The following PPEF1 variants were observed in gnomAD, a reference collection of about 807,000 sequenced individuals.
PPEF1 encodes the protein serine/threonine-protein phosphatase with EF-hands 1.
In PPEF1, 12 loss-of-function variants were observed where a neutral mutation model predicts 53.3. The observed-to-expected ratio is 0.23, with a 90% CI of 0.14 to 0.36. The LOEUF (loss-of-function observed/expected upper bound fraction) is 0.36, where lower values mean the gene tolerates loss of function less well. Ranked by LOEUF, PPEF1 falls within the 10% of genes least tolerant of loss-of-function variation. The probability of loss-of-function intolerance (pLI) is 1.00; values close to 1 mark genes in which losing one functional copy is unlikely to be tolerated. For missense variants in PPEF1, 334 were observed against 490.4 expected (o/e 0.68, Z 3.01); for synonymous variants, 165 against 176.7 (o/e 0.93, Z 0.52).
At chrX:18,713,438 T>TC (rs2044372736) in intron 1 of PPEF1, among the ~76,000 whole-genome samples, 1 of 104,820 alleles carries the variant, frequency 9.5e-6, no homozygotes, top group African/African-American at 3.5e-5. Context: ...TTTTTTTTTT[T>TC]CTTTACTGCT....
intron 2 of PPEF1, among the ~76,000 whole-genome samples, chrX:18,685,452 G>A (rs1358367742): frequency 4.5e-5 from 5 of 111,331 alleles, no homozygotes; most frequent in African/African-American, 1.6e-4. Context: ...TTGGGAGGCC[G>A]AGGAGGGTGG....
intron 4 of PPEF1, among the ~76,000 whole-genome samples, chrX:18,752,475 G>C (rs2045464316): frequency 9.0e-6 from 1 of 110,606 alleles, no homozygotes; most frequent in African/African-American, 3.3e-5. Flanking sequence ...TCTGATTTGG[G>C]TGCCTTTTGT....
chrX:18,811,606 TA>T (rs1478607529), intron 12 of PPEF1, among the ~76,000 whole-genome samples: 17 of 17,127 alleles, frequency 9.9e-4, no homozygotes, highest in African/African-American at 3.9e-3. Flanking sequence ...TATATATATA[TA>T]TATATATATT....
chrX:18,788,304 CAAAAAAAAAA>C (rs1214682551), intron 9 of PPEF1, among the ~76,000 whole-genome samples: 4 of 30,301 alleles, frequency 1.3e-4, no homozygotes, highest in African/African-American at 4.4e-4. Flanking sequence ...GACTCTGTCT[CAAAAAAAAAA>C]AAAAAAAAAA....
rs747386942 is a variant in PPEF1 at position 18,751,622 on chromosome X, A to G, written c.396+1670A>G. Among the ~76,000 whole-genome samples, 7 of 111,620 alleles carry G rather than the reference A, an allele frequency of 6.3e-5. No homozygotes were observed. In the South Asian group the frequency reaches 2.3e-3, roughly 36 times the overall value. On this transcript the variant is annotated intron_variant, in intron 4 of 15. Coordinates refer to ENST00000470157, the MANE Select transcript of PPEF1 (RefSeq NM_001377996.1). ...TGATGAAACCCTGTCTCTACTAAAAATACAAAAATTAGCCAGGCATGGTGG... is the reference window on the plus strand; with the variant it reads ...TGATGAAACCCTGTCTCTACTAAAAGTACAAAAATTAGCCAGGCATGGTGG...
chrX:18,806,508 G>A lies in PPEF1; in HGVS notation c.1357G>A (p.Val453Ile). Residue 453 changes from valine to isoleucine, a missense_variant, in exon 12 of 16, where the codon GTA (valine) becomes ATA (isoleucine). By Grantham distance (29) the Val-to-Ile change is conservative. Transcript: ENST00000470157. ...AACTCCTCGATTTTTCCAGTACCAA[G>A]TAACTAAAGCAACGTGCTTTCAGCC... ...GTTPRFFQYQ[V>I]TKATCFQPLR... The A allele has an allele frequency of 8.3e-7, 1 of 1,210,007 alleles. No homozygotes were observed. The highest frequency in any genetic ancestry group is 1.8e-5 in the South Asian group (1 of 56,724).
At chrX:18,734,474 C>T (rs1192168923) in intron 3 of PPEF1, among the ~76,000 whole-genome samples, 1 of 110,994 alleles carries the variant, frequency 9.0e-6, no homozygotes, top group African/African-American at 3.3e-5. Flanking sequence ...TTTTTAATGA[C>T]TGCATAGTAT....
chrX:18,792,715 G>A (rs2046345280), intron 10 of PPEF1, among the ~76,000 whole-genome samples: 1 of 111,512 alleles, frequency 9.0e-6, no homozygotes, highest in African/African-American at 3.3e-5. Flanking sequence ...GGTTCTTGGC[G>A]TCTTGAACAA....
chrX:18,697,364 T>C (rs758510523), intron 4 of PPEF1, among the ~76,000 whole-genome samples: 5 of 111,276 alleles, frequency 4.5e-5, no homozygotes, highest in Non-Finnish European at 9.4e-5. Flanking sequence ...AATTGCAGCA[T>C]TATCATTAGG....
chrX:18,761,998 A>G (rs1361716116), intron 6 of PPEF1, among the ~76,000 whole-genome samples: 3 of 111,708 alleles, frequency 2.7e-5, no homozygotes, highest in Non-Finnish European at 3.8e-5. Context: ...ATGATAAGGA[A>G]TAAGTTCCAG....
At chrX:18,812,106 A>G (rs1310711869) in intron 12 of PPEF1, among the ~76,000 whole-genome samples, 3 of 110,854 alleles carry the variant, frequency 2.7e-5, no homozygotes, top group Non-Finnish European at 5.7e-5. Flanking sequence ...CTCTTCTAAG[A>G]GTTTTATAGG....
At chrX:18,746,659 A>G (rs1416607099) in intron 3 of PPEF1, among the ~76,000 whole-genome samples, 1 of 112,249 alleles carries the variant, frequency 8.9e-6, no homozygotes, top group Non-Finnish European at 1.9e-5. Context: ...GGGTGGAGGC[A>G]GTGATTGGGA....
intron 1 of PPEF1, among the ~76,000 whole-genome samples, chrX:18,727,277 C>G (rs2044731323): frequency 1.8e-5 from 2 of 110,857 alleles, no homozygotes; most frequent in South Asian, 7.7e-4. Flanking sequence ...GGAAAGGTAC[C>G]ATTGTGCTTG....
intron 6 of PPEF1, among the ~76,000 whole-genome samples, chrX:18,762,980 G>C (rs189314528): frequency 9.0e-6 from 1 of 111,653 alleles, no homozygotes; most frequent in African/African-American, 3.3e-5. Context: ...TCTGTAAGTG[G>C]CTCCAGGGAG....
intron 6 of PPEF1, among the ~76,000 whole-genome samples, chrX:18,762,900 G>A (rs756785941): frequency 2.7e-5 from 3 of 111,595 alleles, no homozygotes; most frequent in African/African-American, 9.8e-5. Flanking sequence ...CCAAACTGAG[G>A]GTTGGGCTGC....
At chrX:18,794,305 G>C (rs2046384243) in intron 10 of PPEF1, among the ~76,000 whole-genome samples, 1 of 8,537 alleles carries the variant, frequency 1.2e-4, no homozygotes, top group South Asian at 0.014. Flanking sequence ...CCTCGTAAAT[G>C]CTTATTCCCA....
intron 3 of PPEF1, among the ~76,000 whole-genome samples, chrX:18,687,354 C>T (rs1041674421): frequency 7.2e-5 from 8 of 111,304 alleles, no homozygotes; most frequent in Middle Eastern, 4.2e-3. Flanking sequence ...CCCATTCATT[C>T]GTTACGTCAA....
intron 13 of PPEF1, among the ~76,000 whole-genome samples, chrX:18,820,676 C>T (rs1395113485): frequency 2.7e-5 from 3 of 110,308 alleles, no homozygotes; most frequent in Admixed American, 9.7e-5. Flanking sequence ...TGAGCCACCG[C>T]GCCTGGCCAG....
chrX:18,820,665 G>A (rs967489888), intron 13 of PPEF1, among the ~76,000 whole-genome samples: 2 of 110,463 alleles, frequency 1.8e-5, no homozygotes, highest in Non-Finnish European at 3.8e-5. Flanking sequence ...GATTACAAGC[G>A]TGAGCCACCG....
Sources: allele counts gnomAD v4.1 joint callset (sites outside exome capture counted in the v4.1 genomes callset), GRCh38; gene constraint gnomAD v4.1.1; transcripts MANE v1.5; gene names NCBI Gene and HGNC (gene_info 2026-07-23, HGNC 2026-07-21).